TBC1D32: variants seen among roughly 807,000 people sequenced by gnomAD.
TBC1D32 encodes the protein protein broad-minded.
Under a neutral mutation model 170.3 loss-of-function variants are expected in TBC1D32, and 151 were observed. The ratio of observed to expected loss-of-function variants is 0.89; its 90% CI spans 0.78 to 1.01. TBC1D32 has a LOEUF of 1.01. Among genes scored for constraint, TBC1D32 ranks in the 50% least tolerant of loss-of-function variants. The pLI is 0.00. For synonymous variants in TBC1D32, 498 were observed against 488.0 expected (o/e 1.02, Z -0.27); for missense variants, 1,464 against 1,457.1 (o/e 1.00, Z -0.08).
chr6:121,252,597 A>T (rs1229739823), intron 17 of TBC1D32, among the ~76,000 whole-genome samples: 1 of 152,162 alleles, frequency 6.6e-6, no homozygotes, highest in African/African-American at 2.4e-5. Flanking sequence ...GAGGGAGAGC[A>T]TTAGGACAAA....
chr6:121,156,877 G>C (rs767022267), intron 24 of TBC1D32, among the ~76,000 whole-genome samples: 9 of 152,044 alleles, frequency 5.9e-5, no homozygotes, highest in Non-Finnish European at 1.2e-4. Context: ...GTCTGAGAGT[G>C]TGCTTGGCAT....
intron 30 of TBC1D32, among the ~76,000 whole-genome samples, chr6:121,103,998 G>A (rs946029030): frequency 5.3e-5 from 8 of 151,692 alleles, no homozygotes; most frequent in Non-Finnish European, 1.0e-4. Flanking sequence ...AATTGGCCAA[G>A]GAAGAGTATT....
intron 20 of TBC1D32, 55 bp from the exon 21 acceptor site, chr6:121,223,407 T>C (rs1234244751): frequency 2.3e-5 from 27 of 1,159,254 alleles, no homozygotes; most frequent in Non-Finnish European, 2.5e-6. Flanking sequence ...ACCACATCCA[T>C]GGAGAGTCAT....
rs1037546083 is a variant in TBC1D32, at chr6:121,256,100, G to A, written c.1919C>T (p.Ala640Val). The A allele has an allele frequency of 9.3e-6, 15 of 1,611,346 alleles. No individual in the cohort carries two copies. Among genetic ancestry groups the A allele is most frequent in the Non-Finnish European group, 1.3e-5 (15 of 1,179,470 alleles). The change falls in exon 16 of 32, where the codon GCA becomes GTA. Residue 640 changes from alanine (A) to valine (V), a missense_variant. This residue lies in a region of TBC1D32 where 1,363 missense variants were observed against 1,338.1 expected (regional missense o/e 1.02). Coordinates refer to ENST00000398212, the MANE Select transcript of TBC1D32 (RefSeq NM_152730.6). ...LITYNLHESI[A>V]KAWKKTSLLS... The stretch of plus-strand genomic sequence containing the variant: ...AATACTTACCTTTTTCCATGCCTTT[G>A]CTATAGATTCATGCAAATTATAAGT...
chr6:121,178,362 A>G (rs1181451904), intron 22 of TBC1D32, among the ~76,000 whole-genome samples: 3 of 152,108 alleles, frequency 2.0e-5, no homozygotes, highest in Admixed American at 2.0e-4. Flanking sequence ...TGATGATATG[A>G]AAAACTTTGT....
chr6:121,081,515 G>A (rs1471940562), intron 31 of TBC1D32, among the ~76,000 whole-genome samples: 2 of 151,938 alleles, frequency 1.3e-5, no homozygotes, highest in African/African-American at 4.8e-5. Context: ...CAAAATATGC[G>A]AAGAAAAGTC....
chr6:121,089,193 C>T (rs1042452121), intron 31 of TBC1D32, among the ~76,000 whole-genome samples: 1 of 152,086 alleles, frequency 6.6e-6, no homozygotes, highest in Non-Finnish European at 1.5e-5. Context: ...TACCTATTAT[C>T]TACCAGGTAT....
intron 15 of TBC1D32, among the ~76,000 whole-genome samples, chr6:121,268,898 A>C (rs765254583): frequency 1.6e-4 from 25 of 152,316 alleles, no homozygotes; most frequent in African/African-American, 2.6e-4. Flanking sequence ...AGCCCATCAG[A>C]CTAACAGCGG....
chr6:121,146,281 A>G (rs559264517), intron 24 of TBC1D32, among the ~76,000 whole-genome samples: 1 of 152,328 alleles, frequency 6.6e-6, no homozygotes, highest in East Asian at 1.9e-4. Flanking sequence ...GGAGAAAAGA[A>G]AAAGGGAGAA....
chr6:121,091,119 A>G, intron 30 of TBC1D32, 78 bp from the exon 31 acceptor site: 1 of 1,180,882 alleles, frequency 8.5e-7, no homozygotes, highest in Non-Finnish European at 1.2e-6. Flanking sequence ...TTAACCAATA[A>G]CTCATACAAA....
chr6:121,249,908 CA>C (rs1441060188), intron 17 of TBC1D32, among the ~76,000 whole-genome samples: 1 of 151,864 alleles, frequency 6.6e-6, no homozygotes, highest in East Asian at 1.9e-4. Context: ...ACCATACTGC[CA>C]AAAGCAATCC....
chr6:121,269,073 G>C (rs1048467449), intron 15 of TBC1D32, among the ~76,000 whole-genome samples: 16 of 152,134 alleles, frequency 1.1e-4, no homozygotes, highest in Non-Finnish European at 7.3e-5. Context: ...GAGAGATTTT[G>C]TCACCACCAG....
At chr6:121,315,809 T>C (rs1327509655) in intron 3 of TBC1D32, among the ~76,000 whole-genome samples, 1 of 152,166 alleles carries the variant, frequency 6.6e-6, no homozygotes, top group Non-Finnish European at 1.5e-5. Context: ...CTTTTCACTA[T>C]AAGCAAAAGT....
At chr6:121,324,447 T>C (rs950695038) in intron 1 of TBC1D32, among the ~76,000 whole-genome samples, 1 of 152,144 alleles carries the variant, frequency 6.6e-6, no homozygotes, top group African/African-American at 2.4e-5. Context: ...GTATTTAGAA[T>C]AGCAGAAGAG....
intron 11 of TBC1D32, 52 bp from the exon 12 acceptor site, chr6:121,292,245 G>T: frequency 6.6e-7 from 1 of 1,509,072 alleles, no homozygotes; most frequent in Middle Eastern, 1.8e-4. Context: ...ATATTTTACA[G>T]TACCTGTCTT....
At chr6:121,122,929 C>A (rs1780427452) in intron 26 of TBC1D32, among the ~76,000 whole-genome samples, 1 of 151,846 alleles carries the variant, frequency 6.6e-6, no homozygotes, top group Admixed American at 6.6e-5. Context: ...ATCATGGGTA[C>A]CATGATAATA....
At chr6:121,332,477 G>A (rs988552876) in intron 1 of TBC1D32, among the ~76,000 whole-genome samples, 1 of 151,980 alleles carries the variant, frequency 6.6e-6, no homozygotes, top group Non-Finnish European at 1.5e-5. Flanking sequence ...TACAGATACT[G>A]GAAATACTAA....
chr6:121,240,938 A>G (rs4527742), intron 19 of TBC1D32, among the ~76,000 whole-genome samples: 132,882 of 150,352 alleles, frequency 0.88, 59,180 homozygotes, highest in East Asian at 0.98. Flanking sequence ...CTTACAAATC[A>G]AATGGACAGG....
intron 30 of TBC1D32, among the ~76,000 whole-genome samples, chr6:121,101,242 C>G (rs969733837): frequency 6.6e-6 from 1 of 152,032 alleles, no homozygotes; most frequent in Non-Finnish European, 1.5e-5. Context: ...TTTTATGAGG[C>G]CAGCATCATC....
Sources: gnomAD v4.1 joint callset for allele counts (sites outside exome capture counted in the v4.1 genomes callset) on GRCh38, gnomAD v4.1.1 for gene constraint, gnomAD v4.1.1 regional missense constraint, MANE v1.5 for transcripts, NCBI Gene and HGNC (gene_info 2026-07-23, HGNC 2026-07-21) for gene names.